The following FNDC1 variants were observed in gnomAD, a reference collection of about 807,000 sequenced individuals.
FNDC1 encodes the protein fibronectin type III domain-containing protein 1.
A neutral mutation model predicts 168.0 loss-of-function variants in FNDC1; 96 were observed. That is an observed-to-expected ratio of 0.57 (90% CI 0.48 to 0.68). FNDC1 has a LOEUF of 0.68. Among genes scored for constraint, FNDC1 ranks in the 30% least tolerant of loss-of-function variants. The probability of loss-of-function intolerance (pLI) is 0.00; values close to 1 mark genes in which losing one functional copy is unlikely to be tolerated. For synonymous variants in FNDC1, 1,099 were observed against 1,025.9 expected (o/e 1.07, Z -1.36); for missense variants, 2,587 against 2,482.1 (o/e 1.04, Z -0.90).
chr6:159,261,051 T>A, intron 18 of FNDC1, 139 bp from the exon 19 acceptor site: 1 of 603,716 alleles, frequency 1.7e-6, no homozygotes, highest in South Asian at 2.2e-5. Context: ...ACATGAAGAA[T>A]CACTAGTGCT....
At chr6:159,191,795 TA>T (rs753631570) in intron 1 of FNDC1, among the ~76,000 whole-genome samples, 4 of 152,226 alleles carry the variant, frequency 2.6e-5, no homozygotes, top group Non-Finnish European at 4.4e-5. Context: ...ATTTCAAAGT[TA>T]AAATGGAGCA....
chr6:159,265,951 C>A, intron 20 of FNDC1, 133 bp from the exon 21 acceptor site: 2 of 91,446 alleles, frequency 2.2e-5, no homozygotes, highest in South Asian at 2.6e-4. Flanking sequence ...AACAACAACA[C>A]AAACAAACAA....
At chr6:159,198,987 G>T (rs1237432006) in intron 2 of FNDC1, among the ~76,000 whole-genome samples, 1 of 152,230 alleles carries the variant, frequency 6.6e-6, no homozygotes, top group Non-Finnish European at 1.5e-5. Context: ...CATCAGCCAG[G>T]CTTCTGTTCA....
At chr6:159,221,828 G>A (rs419281) in intron 6 of FNDC1, 132 bp downstream of exon 6, 219,041 of 741,546 alleles carry the variant, frequency 0.3, 41,835 homozygotes, top group East Asian at 0.72. Flanking sequence ...GGCAAATGTG[G>A]TCACATTTTG....
In FNDC1 at chr6:159,234,484, T is replaced by C. The variant is rs77131924; in HGVS notation, c.3967+5T>C. 0.079 allele frequency: 126,785 copies of C among 1,612,456 alleles called. 5,260 individuals carry two copies. The highest frequency in any genetic ancestry group is 0.11 in the Middle Eastern group (640 of 6,062). On this transcript the variant is annotated splice_donor_5th_base_variant and intron_variant, in intron 11 of 22. Coordinates refer to ENST00000297267, the MANE Select transcript of FNDC1 (RefSeq NM_032532.3). ...CCAGACCCTCTTACAGACAAGGTAGTTTATTTTTTCAAACAGTCTTTCTTT... is the reference window on the plus strand; with the variant it reads ...CCAGACCCTCTTACAGACAAGGTAGCTTATTTTTTCAAACAGTCTTTCTTT...
chr6:159,256,631 G>C lies in FNDC1; in HGVS notation c.5174G>C (p.Arg1725Thr). ...ATTGAGAACCTAAAGCCCAACACGA[G>C]GTACGATGTGTCAGTCATTTAGAAA... Reference protein sequence around the residue: ...LPIENLKPNTRYYFKVQAQNP... With the variant: ...LPIENLKPNTTYYFKVQAQNP... The change falls in exon 18 of 23, where the codon AGG becomes ACG. Residue 1725 changes from arginine (R) to threonine (T), a missense_variant and splice_region_variant. Coordinates refer to ENST00000297267, the MANE Select transcript of FNDC1 (RefSeq NM_032532.3). 2 of 1,599,434 alleles carry C rather than the reference G, an allele frequency of 1.3e-6. No homozygotes were observed. Among genetic ancestry groups the C allele is most frequent in the Non-Finnish European group, 1.7e-6 (2 of 1,166,934 alleles).
intron 16 of FNDC1, among the ~76,000 whole-genome samples, chr6:159,250,927 G>C (rs1323566823): frequency 6.6e-6 from 1 of 152,196 alleles, no homozygotes; most frequent in Non-Finnish European, 1.5e-5. Flanking sequence ...ACTGTGTTGA[G>C]AGAATGCTAG....
At chr6:159,197,733 C>A in intron 2 of FNDC1, 108 bp downstream of exon 2, 1 of 989,726 alleles carries the variant, frequency 1.0e-6, no homozygotes, top group Non-Finnish European at 1.5e-6. Flanking sequence ...GCTCAAGGTC[C>A]CTTACGGTTC....
At position 159,226,442 on chromosome 6, in the gene FNDC1, T is replaced by TA. The variant is rs766142617; in HGVS notation, c.1073-26dup. On this transcript the variant is annotated intron_variant, in intron 8 of 22. Transcript: ENST00000297267. Reference sequence around the variant, plus strand: ...CATCTAGAATGTCCGGTAAGGCATTTAAAAATGTTTCTTTCCTTGTCATTT... The same window carrying TA: ...CATCTAGAATGTCCGGTAAGGCATTTAAAAAATGTTTCTTTCCTTGTCATTT... 8 of 1,560,960 alleles carry TA rather than the reference T, an allele frequency of 5.1e-6. No individual in the cohort carries two copies. The African/African-American group carries it at 1.1e-4, about 21-fold the overall frequency.
chr6:159,259,279 C>T (rs937912319), intron 18 of FNDC1, among the ~76,000 whole-genome samples: 5 of 152,032 alleles, frequency 3.3e-5, no homozygotes, highest in African/African-American at 1.2e-4. Context: ...TTCAGCTCAG[C>T]ATATTTAAAT....
chr6:159,197,283 G>A (rs1782264779), intron 1 of FNDC1, 148 bp from the exon 2 acceptor site: 2 of 731,084 alleles, frequency 2.7e-6, no homozygotes, highest in Non-Finnish European at 4.4e-6. Context: ...CTGTAATGCT[G>A]TGCAAATACA....
chr6:159,213,705 A>C (rs75321924), intron 4 of FNDC1, among the ~76,000 whole-genome samples: 3,014 of 111,516 alleles, frequency 0.027, 78 homozygotes, highest in African/African-American at 0.089. Flanking sequence ...TAAAAACAAA[A>C]AAAAAAAAAC....
At chr6:159,181,660 C>G (rs1330900870) in intron 1 of FNDC1, among the ~76,000 whole-genome samples, 3 of 152,214 alleles carry the variant, frequency 2.0e-5, no homozygotes, top group Non-Finnish European at 2.9e-5. Context: ...AAACCACCAA[C>G]TATGTCTGAG....
At chr6:159,202,933 T>C (rs540008019) in intron 4 of FNDC1, among the ~76,000 whole-genome samples, 1 of 152,360 alleles carries the variant, frequency 6.6e-6, no homozygotes, top group South Asian at 2.1e-4. Context: ...TTTATTTCTC[T>C]TGATTATTGG....
chr6:159,191,452 T>A (rs981307088), intron 1 of FNDC1, among the ~76,000 whole-genome samples: 1 of 152,198 alleles, frequency 6.6e-6, no homozygotes, highest in Non-Finnish European at 1.5e-5. Flanking sequence ...AAAGAAGAAA[T>A]AGCATTTGTT....
intron 1 of FNDC1, among the ~76,000 whole-genome samples, chr6:159,175,132 A>C (rs1224711423): frequency 8.5e-5 from 13 of 152,198 alleles, no homozygotes; most frequent in Admixed American, 8.5e-4. Flanking sequence ...CATCCTTATA[A>C]TCTATAAAGT....
At chr6:159,252,861 C>A (rs1413095252) in intron 17 of FNDC1, among the ~76,000 whole-genome samples, 2 of 152,214 alleles carry the variant, frequency 1.3e-5, no homozygotes, top group Non-Finnish European at 2.9e-5. Context: ...TATCACTGCG[C>A]CCTGATTCAA....
chr6:159,271,253 AGG>A, intron 22 of FNDC1, 72 bp from the exon 23 acceptor site: 5 of 946,730 alleles, frequency 5.3e-6, no homozygotes, highest in Non-Finnish European at 8.4e-6. Context: ...TGTCTGAAGG[AGG>A]CTGTAAGGAT....
intron 17 of FNDC1, 119 bp downstream of exon 17, chr6:159,251,651 G>A: frequency 1.3e-6 from 1 of 780,598 alleles, no homozygotes; most frequent in East Asian, 2.7e-5. Flanking sequence ...TGGGTTGGAT[G>A]GATGAATGGG....
Sources: allele counts gnomAD v4.1 joint callset (sites outside exome capture counted in the v4.1 genomes callset), GRCh38; gene constraint gnomAD v4.1.1; transcripts MANE v1.5; gene names NCBI Gene and HGNC (gene_info 2026-07-23, HGNC 2026-07-21).